DEPDC5: variants seen among roughly 807,000 people sequenced by gnomAD.
The protein encoded by DEPDC5 is DEP domain containing 5, GATOR1 subcomplex subunit.
Under a neutral mutation model 217.3 loss-of-function variants are expected in DEPDC5, and 73 were observed. That is an observed-to-expected ratio of 0.34 (90% confidence interval 0.28 to 0.41). DEPDC5 has a LOEUF of 0.41. DEPDC5 is among the 10% of genes least tolerant of loss of function. The pLI, the probability that DEPDC5 is intolerant of heterozygous loss-of-function variation, is 1.00. For synonymous variants in DEPDC5, 733 were observed against 756.7 expected (o/e 0.97, Z 0.51); for missense variants, 1,675 against 2,070.1 (o/e 0.81, Z 3.70).
chr22:31,812,387 G>T (rs1020161056), intron 20 of DEPDC5, among the ~76,000 whole-genome samples: 3 of 141,392 alleles, frequency 2.1e-5, no homozygotes, highest in Non-Finnish European at 4.7e-5. Context: ...TTTTCCCTGT[G>T]TACCAAATAC....
At position 31,906,444 on chromosome 22, in the gene DEPDC5, C is replaced by T. The variant is rs1569256444; in HGVS notation, c.4759C>T (p.Leu1587=). 1 of 1,614,066 alleles carries T rather than the reference C, an allele frequency of 6.2e-7. No individual in the cohort carries two copies. The highest frequency in any genetic ancestry group is 1.7e-5 in the Admixed American group (1 of 60,032). The change falls in exon 43 of 43, where the codon CTG becomes TTG. Residue 1587 remains leucine, a synonymous_variant. Transcript: ENST00000651528. The surrounding 1 kb of genome is among the most constrained non-coding windows in gnomAD (Gnocchi z 5.1). ...TDFCINRDNR[L]VTFWTSCLEK... The stretch of plus-strand genomic sequence containing the variant: ...CTTCTGCATCAACCGTGACAACCGG[C>T]TGGTCACGTTCTGGACAAGTTGCCT...
intron 17 of DEPDC5, 75 bp downstream of exon 17, chr22:31,804,990 T>G: frequency 2.9e-6 from 4 of 1,397,362 alleles, no homozygotes; most frequent in Non-Finnish European, 4.0e-6. Flanking sequence ...TTAAATCTGT[T>G]AAGTTCTTAT....
chr22:31,849,944 TTTGGGTA>T (rs1162523837), intron 31 of DEPDC5, among the ~76,000 whole-genome samples: 4 of 151,802 alleles, frequency 2.6e-5, no homozygotes, highest in African/African-American at 9.7e-5. Flanking sequence ...TGAGATGAGA[TTTGGGTA>T]GGGACACAGC....
chr22:31,882,494 C>A (rs1448670253), intron 38 of DEPDC5, among the ~76,000 whole-genome samples: 1 of 152,040 alleles, frequency 6.6e-6, no homozygotes, highest in African/African-American at 2.4e-5. Flanking sequence ...AAATAAATGC[C>A]ACGAATCCAA....
rs34494517 is a variant in DEPDC5 at position 31,791,925 on chromosome 22, CAAAAAAAAAAAAAA to C, written c.625-95_625-82del. On this transcript the variant is annotated intron_variant, in intron 10 of 42. Coordinates refer to ENST00000651528, the MANE Select transcript of DEPDC5 (RefSeq NM_001242896.3). ...CTGGTGGCAGAGTAAGACTCCGTCTCAAAAAAAAAAAAAAAAAAAAAAAAAAGAATATTATATGC... is the reference window on the plus strand; with the variant it reads ...CTGGTGGCAGAGTAAGACTCCGTCTCAAAAAAAAAAAAGAATATTATATGC... The C allele has an allele frequency of 8.8e-4, 109 of 124,130 alleles. 1 individual carries two copies. The highest frequency in any genetic ancestry group is 6.9e-3 in the African/African-American group (98 of 14,286). The allele number at this position is 124,130 out of a possible 1,614,324, so 7.7% of individuals were successfully genotyped here.
chr22:31,881,080 G>A (rs919507532), intron 38 of DEPDC5, among the ~76,000 whole-genome samples: 1 of 152,032 alleles, frequency 6.6e-6, no homozygotes, highest in African/African-American at 2.4e-5. Context: ...GGAGGCTGAG[G>A]TGGGTGGATC....
At chr22:31,888,016 G>A (rs1164399054) in intron 38 of DEPDC5, among the ~76,000 whole-genome samples, 1 of 152,020 alleles carries the variant, frequency 6.6e-6, no homozygotes, top group Non-Finnish European at 1.5e-5. Flanking sequence ...TAAACACTTA[G>A]GATACTCAGT....
intron 21 of DEPDC5, chr22:31,815,967 A>G: frequency 1.0e-6 from 1 of 990,980 alleles, no homozygotes; most frequent in Non-Finnish European, 1.2e-6. Flanking sequence ...CATTTGTGCC[A>G]TATATAAAAC....
At chr22:31,764,934 TCAAAA>T (rs1166360384) in intron 4 of DEPDC5, 36 bp from the exon 5 acceptor site, 1 of 1,517,732 alleles carries the variant, frequency 6.6e-7, no homozygotes, top group Non-Finnish European at 9.1e-7. Flanking sequence ...ATCTGCTTTT[TCAAAA>T]TATGTTATCT....
chr22:31,893,067 G>A (rs1336677521), intron 38 of DEPDC5, among the ~76,000 whole-genome samples: 1 of 151,872 alleles, frequency 6.6e-6, no homozygotes, highest in Admixed American at 6.6e-5. Flanking sequence ...GTAGAGATGG[G>A]GTTTCACCAT....
chr22:31,810,509 T>G lies in DEPDC5; in HGVS notation c.1325-12T>G. The G allele has an allele frequency of 4.3e-6, 7 of 1,613,850 alleles. No individual in the cohort carries two copies. Among genetic ancestry groups the G allele is most frequent in the Non-Finnish European group, 5.9e-6 (7 of 1,179,952 alleles). ...GTATTTGATGACAATTTATATTATT[T>G]GTGTATTTCAGCTCTCGGGAGTCCA... On this transcript the variant is annotated splice_polypyrimidine_tract_variant and intron_variant, in intron 19 of 42. Transcript: ENST00000651528.
chr22:31,767,217 T>C (rs1259789993), intron 6 of DEPDC5, among the ~76,000 whole-genome samples: 2 of 152,100 alleles, frequency 1.3e-5, no homozygotes, highest in East Asian at 1.9e-4. Flanking sequence ...CTTGGCTTAC[T>C]GTAACCTCTG....
intron 2 of DEPDC5, among the ~76,000 whole-genome samples, chr22:31,756,796 C>T (rs1469692434): frequency 6.6e-6 from 1 of 151,808 alleles, no homozygotes; most frequent in African/African-American, 2.4e-5. Context: ...TGGTGCGTGC[C>T]TGTAATCTCA....
intron 27 of DEPDC5, among the ~76,000 whole-genome samples, chr22:31,840,699 C>G (rs2091339038): frequency 1.3e-5 from 2 of 152,154 alleles, no homozygotes; most frequent in Non-Finnish European, 2.9e-5. Flanking sequence ...TAAATTTAAT[C>G]TCTCTAATTT....
chr22:31,813,292 A>G (rs1568987119), intron 20 of DEPDC5, among the ~76,000 whole-genome samples: 1 of 152,120 alleles, frequency 6.6e-6, no homozygotes, highest in Non-Finnish European at 1.5e-5. Flanking sequence ...ATGCTCTCAT[A>G]GTTCAAGATT....
At chr22:31,800,047 C>G (rs1254122784) in intron 14 of DEPDC5, among the ~76,000 whole-genome samples, 1 of 150,792 alleles carries the variant, frequency 6.6e-6, no homozygotes, top group Non-Finnish European at 1.5e-5. Flanking sequence ...GTGATCCGCC[C>G]ACCTTGGCCT....
intron 25 of DEPDC5, among the ~76,000 whole-genome samples, chr22:31,836,203 A>C (rs577809392): frequency 5.3e-5 from 8 of 152,218 alleles, no homozygotes; most frequent in African/African-American, 1.9e-4. Context: ...CAGCTAGGGG[A>C]TGCCACTGGC....
intron 33 of DEPDC5, among the ~76,000 whole-genome samples, chr22:31,863,665 A>T (rs2092590083): frequency 6.6e-6 from 1 of 152,182 alleles, no homozygotes; most frequent in Non-Finnish European, 1.5e-5. Flanking sequence ...AAATATATAC[A>T]TAAAAAAATT....
At chr22:31,853,486 A>T (rs1168825907) in intron 31 of DEPDC5, 1 of 152,120 alleles carries the variant, frequency 6.6e-6, no homozygotes, top group African/African-American at 2.4e-5. Flanking sequence ...CTTGCACAGA[A>T]TTTTTTATTT....
Sources: allele counts gnomAD v4.1 joint callset (sites outside exome capture counted in the v4.1 genomes callset), GRCh38; gene constraint gnomAD v4.1.1; non-coding constraint Gnocchi (gnomAD v3.1); transcripts MANE v1.5; gene names NCBI Gene and HGNC (gene_info 2026-07-23, HGNC 2026-07-21).